Variants in IQGAP1 observed in about 807,000 individuals in gnomAD.
IQGAP1 encodes ras GTPase-activating-like protein IQGAP1.
Under a neutral mutation model 215.6 loss-of-function variants are expected in IQGAP1, and 66 were observed. The ratio of observed to expected loss-of-function variants is 0.31; its 90% CI spans 0.25 to 0.38. The LOEUF is 0.38. IQGAP1 is among the 10% of genes least tolerant of loss of function. IQGAP1 has a pLI of 1.00. For missense variants in IQGAP1, 1,712 were observed against 1,997.1 expected (o/e 0.86, Z 2.72); for synonymous variants, 772 against 728.7 (o/e 1.06, Z -0.96).
At chr15:90,474,300 C>A in intron 22 of IQGAP1, 167 bp downstream of exon 22, 1 of 754,132 alleles carries the variant, frequency 1.3e-6, no homozygotes, top group Non-Finnish European at 2.1e-6. Flanking sequence ...GTCTTGTTGG[C>A]TTGTTGCATT....
chr15:90,470,746 T>C (rs1965893876), intron 18 of IQGAP1, among the ~76,000 whole-genome samples: 1 of 152,158 alleles, frequency 6.6e-6, no homozygotes, highest in Non-Finnish European at 1.5e-5. Flanking sequence ...ACTCTTATTT[T>C]AGAATTCATC....
At chr15:90,390,987 A>G in intron 2 of IQGAP1, 114 bp downstream of exon 2, 2 of 695,640 alleles carry the variant, frequency 2.9e-6, no homozygotes, top group Non-Finnish European at 5.2e-6. Flanking sequence ...TAATCCCAAC[A>G]CGTTGGGAGG....
chr15:90,421,146 T>A (rs575429139), intron 2 of IQGAP1, among the ~76,000 whole-genome samples: 217 of 144,870 alleles, frequency 1.5e-3, no homozygotes, highest in Non-Finnish European at 2.5e-3. Context: ...CAAAGAAAAA[T>A]TTTTTTTAAT....
chr15:90,444,995 C>T (rs978802851), intron 9 of IQGAP1, among the ~76,000 whole-genome samples: 11 of 152,066 alleles, frequency 7.2e-5, no homozygotes, highest in African/African-American at 2.4e-4. Flanking sequence ...TGGTGACATG[C>T]GCCTGTAGTC....
chr15:90,451,942 C>T (rs1965609818), intron 11 of IQGAP1, among the ~76,000 whole-genome samples: 1 of 151,824 alleles, frequency 6.6e-6, no homozygotes, highest in South Asian at 2.1e-4. Context: ...CGATTCTCCT[C>T]TCTCAGCCTC....
At chr15:90,421,518 AT>A (rs1965136279) in intron 2 of IQGAP1, among the ~76,000 whole-genome samples, 1 of 151,930 alleles carries the variant, frequency 6.6e-6, no homozygotes, top group Admixed American at 6.6e-5. Flanking sequence ...GCAGCTCTAT[AT>A]TTGGGGAAAA....
intron 2 of IQGAP1, among the ~76,000 whole-genome samples, chr15:90,417,340 G>A (rs1050014341): frequency 7.9e-5 from 12 of 152,086 alleles, no homozygotes; most frequent in Admixed American, 2.6e-4. Flanking sequence ...TATGGTTTTA[G>A]GTCTAACATT....
chr15:90,403,653 CTG>C (rs937829031), intron 2 of IQGAP1, among the ~76,000 whole-genome samples: 1 of 152,184 alleles, frequency 6.6e-6, no homozygotes, highest in Non-Finnish European at 1.5e-5. Context: ...TGGTTGCACA[CTG>C]TACATTTTGC....
intron 4 of IQGAP1, among the ~76,000 whole-genome samples, chr15:90,431,507 A>G (rs1312048003): frequency 6.6e-6 from 1 of 152,224 alleles, no homozygotes; most frequent in Non-Finnish European, 1.5e-5. Context: ...TAATATTTGC[A>G]ATTGCTAGTA....
At position 90,493,790 on chromosome 15, in the gene IQGAP1, T is replaced by C. The variant is rs961881611; in HGVS notation, c.4629-923T>C. Among the ~76,000 whole-genome samples the C allele has an allele frequency of 3.3e-4, 51 of 152,324 alleles. 1 individual carries two copies. Among genetic ancestry groups the C allele is most frequent in the African/African-American group, 1.2e-3 (49 of 41,562 alleles). On this transcript the variant is annotated intron_variant, in intron 35 of 37. Transcript: ENST00000268182. ...TGCAGATCTGACTCCTGTGAGCTTT[T>C]GATGTGTTTTCATTGTTCCTTGTGC...
chr15:90,484,193 G>T lies in IQGAP1; in HGVS notation c.3789-27G>T, dbSNP rs372456174. 42 of 1,603,652 alleles carry T rather than the reference G, an allele frequency of 2.6e-5. No homozygotes were observed. The Middle Eastern group carries it at 2.2e-3, about 83-fold the overall frequency. Reference sequence around the variant, plus strand: ...AACTTCATGTGTATGTCCCTTTTTGGGGGGCTGCCTCCTGTGCTTATTTCA... The same window carrying T: ...AACTTCATGTGTATGTCCCTTTTTGTGGGGCTGCCTCCTGTGCTTATTTCA... On this transcript the variant is annotated intron_variant, in intron 29 of 37. Coordinates refer to ENST00000268182, the MANE Select transcript of IQGAP1 (RefSeq NM_003870.4).
Position 90,483,390 on chromosome 15 carries a change from C to T in IQGAP1, c.3585C>T (p.Tyr1195=). 5 of 1,614,032 alleles carry T rather than the reference C, an allele frequency of 3.1e-6. No individual in the cohort carries two copies. Among genetic ancestry groups the T allele is most frequent in the Non-Finnish European group, 4.2e-6 (5 of 1,179,916 alleles). Residue 1195 remains tyrosine (Y), a synonymous_variant, in exon 29 of 38, where the codon TAC becomes TAT. Transcript: ENST00000268182. The part of the protein sequence containing the change: ...KIIGNLLYYR[Y]MNPAIVAPDA... ...TTGGTAACTTGCTTTATTATCGATA[C>T]ATGAATCCAGCCATTGTTGCTCCTG...
chr15:90,421,145 A>C (rs1017443804), intron 2 of IQGAP1, among the ~76,000 whole-genome samples: 1 of 151,428 alleles, frequency 6.6e-6, no homozygotes, highest in East Asian at 1.9e-4. Context: ...TCAAAGAAAA[A>C]TTTTTTTTAA....
At chr15:90,414,320 A>G (rs565324375) in intron 2 of IQGAP1, among the ~76,000 whole-genome samples, 15 of 152,260 alleles carry the variant, frequency 9.9e-5, no homozygotes, top group Non-Finnish European at 1.8e-4. Flanking sequence ...CCTTGTCTCC[A>G]TTATAAAAAA....
Position 90,499,991 on chromosome 15 carries a change from A to G in IQGAP1, c.4861-4A>G. On this transcript the variant is annotated splice_region_variant and splice_polypyrimidine_tract_variant and intron_variant, in intron 37 of 37. Transcript: ENST00000268182. ...TGTTTTGTTTTGTTTTGTTTTGTTA[A>G]TAGGACCTGCTGCAGCTACAGTATG... 2 of 1,443,810 alleles carry G rather than the reference A, an allele frequency of 1.4e-6. No homozygotes were observed. The highest frequency in any genetic ancestry group is 1.9e-6 in the Non-Finnish European group (2 of 1,037,058). The allele number at this position is 1,443,810 out of a possible 1,614,324, so 89.4% of individuals were successfully genotyped here. A position where few individuals can be genotyped will look rare whatever the true frequency, so the allele number is the denominator to read the frequency against.
chr15:90,445,805 G>C lies in IQGAP1; in HGVS notation c.913+2327G>C, dbSNP rs921556311. Among the ~76,000 whole-genome samples the C allele has an allele frequency of 3.3e-5, 5 of 151,376 alleles. No homozygotes were observed. The South Asian group carries it at 1.0e-3, about 32-fold the overall frequency. On this transcript the variant is annotated intron_variant, in intron 9 of 37. Coordinates refer to ENST00000268182, the MANE Select transcript of IQGAP1 (RefSeq NM_003870.4). ...TTTAGAAGATTTTACCAATTGCATA[G>C]GATTGGAGTTTTAAGTCCTGACCAG...
chr15:90,444,259 GTGTGTGTGTGTGTGTGTGTGTATA>G (rs1277586198), intron 9 of IQGAP1, among the ~76,000 whole-genome samples: 1 of 114,844 alleles, frequency 8.7e-6, no homozygotes, highest in African/African-American at 4.5e-5. Context: ...GTGTGTGTGT[GTGTGTGTGTGTGTGTGTGTGTATA>G]TATATATTTT....
rs1965416562 is a variant in IQGAP1, at chr15:90,439,354, C to T, written c.490C>T (p.Leu164=). The part of the protein sequence containing the change: ...ALSLYLFKLG[L]APQIQDLYGK... ...TAGTTTGTACCTGTTCAAGCTAGGCCTGGCCCCTCAGATTCAAGACCTATA... is the reference window on the plus strand; with the variant it reads ...TAGTTTGTACCTGTTCAAGCTAGGCTTGGCCCCTCAGATTCAAGACCTATA... The change falls in exon 6 of 38, where the codon CTG becomes TTG. Residue 164 remains leucine, a synonymous_variant. Coordinates refer to ENST00000268182, the MANE Select transcript of IQGAP1 (RefSeq NM_003870.4). 6.2e-7 allele frequency: 1 copy of T among 1,613,324 alleles called. No individual in the cohort carries two copies. Among genetic ancestry groups the T allele is most frequent in the Middle Eastern group, 1.7e-4 (1 of 6,050 alleles).
At chr15:90,388,509 C>T in intron 1 of IQGAP1, 113 bp downstream of exon 1, 1 of 943,336 alleles carries the variant, frequency 1.1e-6, no homozygotes, top group Non-Finnish European at 1.4e-6. Context: ...GCCGGCAGCT[C>T]GGACCCGGAA....
Sources: gnomAD v4.1 joint callset for allele counts (sites outside exome capture counted in the v4.1 genomes callset) on GRCh38, gnomAD v4.1.1 for gene constraint, MANE v1.5 for transcripts, NCBI Gene and HGNC (gene_info 2026-07-23, HGNC 2026-07-21) for gene names.